DLC1: variants seen among roughly 807,000 people sequenced by gnomAD.
DLC1 encodes rho GTPase-activating protein 7.
Under a neutral mutation model 140.3 loss-of-function variants are expected in DLC1, and 54 were observed. The observed-to-expected ratio is 0.38, with a 90% CI of 0.31 to 0.48. The LOEUF is 0.48. DLC1 is among the 20% of genes least tolerant of loss of function. The pLI, the probability that DLC1 is intolerant of heterozygous loss-of-function variation, is 0.96. For missense variants in DLC1, 2,536 were observed against 1,907.0 expected (o/e 1.33, Z -6.14); for synonymous variants, 986 against 728.1 (o/e 1.35, Z -5.70).
chr8:13,547,186 A>C (rs1017304322), intron 1 of DLC1, among the ~76,000 whole-genome samples: 10 of 152,132 alleles, frequency 6.6e-5, no homozygotes, highest in Admixed American at 3.9e-4. Flanking sequence ...TAGTATTTTC[A>C]ATTTAGAACT....
chr8:13,281,897 C>A (rs1831377047), intron 5 of DLC1, among the ~76,000 whole-genome samples: 1 of 152,180 alleles, frequency 6.6e-6, no homozygotes, highest in East Asian at 1.9e-4. Context: ...AGTCACCTTG[C>A]CTGTGAAAAA....
chr8:13,088,360 G>T (rs1215792927), intron 16 of DLC1, 127 bp downstream of exon 16: 10 of 1,121,110 alleles, frequency 8.9e-6, no homozygotes, highest in Admixed American at 2.4e-5. Context: ...GGGATTACAG[G>T]TGTGAGCCAC....
chr8:13,353,662 G>T (rs1049544024), intron 4 of DLC1: 3 of 152,186 alleles, frequency 2.0e-5, no homozygotes, highest in African/African-American at 7.2e-5. Context: ...TTCAAGACCA[G>T]CCTGGCCAAC....
intron 2 of DLC1, among the ~76,000 whole-genome samples, chr8:13,469,499 T>C (rs1168635499): frequency 6.6e-6 from 1 of 152,158 alleles, no homozygotes; most frequent in African/African-American, 2.4e-5. Flanking sequence ...AGTTTCTACA[T>C]TGTGGCCATT....
At chr8:13,566,054 A>G (rs569124811) in intron 1 of DLC1, among the ~76,000 whole-genome samples, 8 of 152,290 alleles carry the variant, frequency 5.3e-5, no homozygotes, top group Admixed American at 5.2e-4. Context: ...AACACCTGCT[A>G]TGTGTCTGCT....
At chr8:13,387,552 A>G (rs1836577669) in intron 4 of DLC1, among the ~76,000 whole-genome samples, 1 of 152,030 alleles carries the variant, frequency 6.6e-6, no homozygotes, top group African/African-American at 2.4e-5. Context: ...CTTTAGTTTA[A>G]TGATCATATG....
At chr8:13,491,939 C>A (rs1409161999) in intron 2 of DLC1, among the ~76,000 whole-genome samples, 6 of 152,164 alleles carry the variant, frequency 3.9e-5, no homozygotes, top group Non-Finnish European at 7.3e-5. Context: ...ACTGCGGACA[C>A]AAGGTTGAAT....
At chr8:13,190,777 G>T (rs188396756) in intron 5 of DLC1, among the ~76,000 whole-genome samples, 1 of 152,120 alleles carries the variant, frequency 6.6e-6, no homozygotes, top group African/African-American at 2.4e-5. Context: ...TGGCACAGGG[G>T]ACAAGAACCA....
At chr8:13,204,757 C>G (rs1401332247) in intron 5 of DLC1, among the ~76,000 whole-genome samples, 3 of 152,172 alleles carry the variant, frequency 2.0e-5, no homozygotes, top group African/African-American at 7.2e-5. Flanking sequence ...TCACCAATTA[C>G]TTGTCACACT....
chr8:13,127,551 A>G (rs530139434), intron 5 of DLC1, among the ~76,000 whole-genome samples: 14 of 152,340 alleles, frequency 9.2e-5, no homozygotes, highest in Non-Finnish European at 1.5e-4. Flanking sequence ...CAGAATCAGG[A>G]GGTAAAAATC....
chr8:13,281,777 A>G (rs188587395), intron 5 of DLC1, among the ~76,000 whole-genome samples: 3 of 152,294 alleles, frequency 2.0e-5, no homozygotes, highest in Admixed American at 2.0e-4. Context: ...AGAGAGAAGG[A>G]CTTCCTTTTC....
intron 1 of DLC1, among the ~76,000 whole-genome samples, chr8:13,595,412 T>C (rs942772586): frequency 1.3e-5 from 2 of 152,078 alleles, no homozygotes; most frequent in East Asian, 1.9e-4. Context: ...AGAAATTGTA[T>C]ATCTTTTAGT....
At chr8:13,137,266 C>G (rs950104975) in intron 5 of DLC1, among the ~76,000 whole-genome samples, 2 of 152,146 alleles carry the variant, frequency 1.3e-5, no homozygotes, top group African/African-American at 4.8e-5. Context: ...CTGTCTCTGT[C>G]ATACGTTAGA....
intron 5 of DLC1, among the ~76,000 whole-genome samples, chr8:13,208,530 C>T (rs1022808262): frequency 2.0e-5 from 3 of 152,142 alleles, no homozygotes; most frequent in African/African-American, 4.8e-5. Flanking sequence ...TACAATTAGT[C>T]TTCCTTTCTT....
chr8:13,146,052 G>A (rs959511042), intron 5 of DLC1, among the ~76,000 whole-genome samples: 11 of 152,228 alleles, frequency 7.2e-5, no homozygotes, highest in Admixed American at 5.9e-4. Context: ...GCTGAGGCGG[G>A]TGGATCACAA....
intron 1 of DLC1, among the ~76,000 whole-genome samples, chr8:13,589,851 T>C (rs1441323620): frequency 6.6e-6 from 1 of 151,890 alleles, no homozygotes; most frequent in East Asian, 1.9e-4. Flanking sequence ...TACATACTCA[T>C]CTAAATTCTA....
rs192956373 is a variant in DLC1, at chr8:13,178,337, C to T, written c.1349-62680G>A. On this transcript the variant is annotated intron_variant, in intron 5 of 17. Coordinates refer to ENST00000276297, the MANE Select transcript of DLC1 (RefSeq NM_182643.3). ...CAGCATTTCGGGAGGCCATGACGGG[C>T]GGATCACGAGGTCAGGAGATCAAGA... is the stretch of plus-strand genomic sequence containing the variant. 5.9e-5 allele frequency among the ~76,000 whole-genome samples: 9 copies of T among 152,082 alleles called. 1 individual carries two copies. Among genetic ancestry groups the T allele is most frequent in the African/African-American group, 1.9e-4 (8 of 41,518 alleles).
At position 13,435,065 on chromosome 8, in the gene DLC1, A is replaced by C. The variant is rs115061364; in HGVS notation, c.1024-33446T>G. Reference sequence around the variant, plus strand: ...TCTTTGATAGATCTAGGTAAAGTACATTAAGAGCCTTCTGGAAAGAATTCA... The same window carrying C: ...TCTTTGATAGATCTAGGTAAAGTACCTTAAGAGCCTTCTGGAAAGAATTCA... On this transcript the variant is annotated intron_variant, in intron 2 of 17. Transcript: ENST00000276297. Among the ~76,000 whole-genome samples, 949 of 152,318 alleles carry C rather than the reference A, an allele frequency of 6.2e-3. 10 individuals carry two copies. Among genetic ancestry groups the C allele is most frequent in the African/African-American group, 0.021 (881 of 41,568 alleles).
intron 4 of DLC1, among the ~76,000 whole-genome samples, chr8:13,391,067 C>T (rs891481987): frequency 9.2e-5 from 14 of 151,630 alleles, no homozygotes; most frequent in African/African-American, 2.2e-4. Flanking sequence ...AAAGAAATTT[C>T]GTAAAAGTCG....
Sources: gnomAD v4.1 joint callset for allele counts (sites outside exome capture counted in the v4.1 genomes callset) on GRCh38, gnomAD v4.1.1 for gene constraint, MANE v1.5 for transcripts, NCBI Gene and HGNC (gene_info 2026-07-23, HGNC 2026-07-21) for gene names.